The following ELMO1 variants were observed in gnomAD, a reference collection of about 807,000 sequenced individuals.
ELMO1 encodes engulfment and cell motility 1, also known as engulfment and cell motility protein 1.
A neutral mutation model predicts 98.9 loss-of-function variants in ELMO1; 26 were observed. That is an observed-to-expected ratio of 0.26 (90% CI 0.19 to 0.36). ELMO1 has a LOEUF of 0.36. ELMO1 is among the 10% of genes least tolerant of loss of function. ELMO1 has a pLI of 1.00. For missense variants in ELMO1, 627 were observed against 935.2 expected (o/e 0.67, Z 4.30); for synonymous variants, 346 against 346.0 (o/e 1.00, Z 0.00).
chr7:37,001,029 AG>A (rs1792634813), intron 16 of ELMO1, among the ~76,000 whole-genome samples: 1 of 152,142 alleles, frequency 6.6e-6, no homozygotes, highest in Admixed American at 6.5e-5. Flanking sequence ...CTTTTGCAAA[AG>A]TTCAATGTCT....
Position 37,195,079 on chromosome 7 carries a change from G to A in ELMO1, c.1086+16307C>T, listed in dbSNP as rs1471385415. ...GCAAGTACAAACTACGTGCTGAAAC[G>A]GGGGTAGGACCTGGACTGGGAGAGC... On this transcript the variant is annotated intron_variant, in intron 13 of 21. Coordinates refer to ENST00000310758, the MANE Select transcript of ELMO1 (RefSeq NM_014800.11). Among the ~76,000 whole-genome samples the A allele has an allele frequency of 2.6e-5, 4 of 152,174 alleles. No homozygotes were observed. In the South Asian group the frequency reaches 6.2e-4, roughly 24 times the overall value.
At chr7:37,195,976 T>C (rs7812116) in intron 13 of ELMO1, among the ~76,000 whole-genome samples, 29,477 of 152,006 alleles carry the variant, frequency 0.19, 3,205 homozygotes, top group Middle Eastern at 0.28. Context: ...CTATGAACAA[T>C]AGAAGGCAAA....
chr7:36,950,256 G>C (rs1158955311), intron 16 of ELMO1, among the ~76,000 whole-genome samples: 2 of 152,234 alleles, frequency 1.3e-5, no homozygotes, highest in African/African-American at 4.8e-5. Flanking sequence ...GTGAGAGACA[G>C]AGGGAATGTT....
chr7:36,872,664 T>C (rs1803624439), intron 19 of ELMO1, among the ~76,000 whole-genome samples: 1 of 152,154 alleles, frequency 6.6e-6, no homozygotes, highest in Non-Finnish European at 1.5e-5. Context: ...ACTGGCCTCC[T>C]TTCCCTCAGT....
Position 36,897,330 on chromosome 7 carries a change from G to GTA in ELMO1, c.1438-2314_1438-2313insTA, listed in dbSNP as rs1562806056. 2.0e-3 allele frequency among the ~76,000 whole-genome samples: 279 copies of GTA among 139,978 alleles called. 1 individual carries two copies. Among genetic ancestry groups the GTA allele is most frequent in the African/African-American group, 6.8e-3 (254 of 37,500 alleles). The allele number at this position is 139,978 out of a possible 152,430, so 91.8% of individuals were successfully genotyped here. On this transcript the variant is annotated intron_variant, in intron 16 of 21. Transcript: ENST00000310758. ...AGTAGGACAAAGAAAACAGACGTGT[G>GTA]TGTGTGTGTGTGTGTGTGTGAAAGA...
intron 13 of ELMO1, among the ~76,000 whole-genome samples, chr7:37,180,383 C>T (rs912935867): frequency 2.6e-5 from 4 of 152,168 alleles, no homozygotes; most frequent in Non-Finnish European, 5.9e-5. Flanking sequence ...TGAATCTAAT[C>T]ATGAAAAGCA....
intron 5 of ELMO1, chr7:37,271,597 T>C: frequency 2.0e-6 from 1 of 493,858 alleles, no homozygotes; most frequent in Non-Finnish European, 3.6e-6. Flanking sequence ...TTCAAAGCTA[T>C]CCTGGGCCGC....
chr7:37,447,714 C>CACA (rs1554316231), intron 1 of ELMO1, among the ~76,000 whole-genome samples: 1 of 132,140 alleles, frequency 7.6e-6, no homozygotes, highest in East Asian at 2.2e-4. Flanking sequence ...CGCGCACACA[C>CACA]CACACACACA....
chr7:37,122,190 T>A (rs181416808), intron 14 of ELMO1, among the ~76,000 whole-genome samples: 45 of 151,184 alleles, frequency 3.0e-4, no homozygotes, highest in Admixed American at 3.3e-4. Flanking sequence ...TCATGCCAAA[T>A]TGTAAAGACC....
intron 4 of ELMO1, among the ~76,000 whole-genome samples, chr7:37,307,088 G>A (rs1798649509): frequency 6.6e-6 from 1 of 152,188 alleles, no homozygotes; most frequent in South Asian, 2.1e-4. Flanking sequence ...CACATTAACT[G>A]TCAAATCTGG....
intron 16 of ELMO1, among the ~76,000 whole-genome samples, chr7:36,920,877 C>T (rs1389755965): frequency 6.6e-6 from 1 of 152,110 alleles, no homozygotes; most frequent in Admixed American, 6.5e-5. Flanking sequence ...AGGTCTTCAT[C>T]TATGGTCTGA....
chr7:37,419,035 AC>A (rs2131525422), intron 1 of ELMO1, among the ~76,000 whole-genome samples: 1 of 151,706 alleles, frequency 6.6e-6, no homozygotes, highest in African/African-American at 2.4e-5. Flanking sequence ...CCCCACTCCT[AC>A]CCCCCAGGAC....
intron 1 of ELMO1, among the ~76,000 whole-genome samples, chr7:37,413,319 C>T (rs2052688): frequency 0.17 from 25,444 of 152,028 alleles, 2,305 homozygotes; most frequent in South Asian, 0.26. Context: ...CTTTCCTCTT[C>T]GTCCTTTGTA....
At chr7:37,086,370 A>ATGT (rs1783777627) in intron 15 of ELMO1, among the ~76,000 whole-genome samples, 1 of 128,344 alleles carries the variant, frequency 7.8e-6, no homozygotes, top group Admixed American at 7.6e-5. Flanking sequence ...GTGTGTGTGA[A>ATGT]GAGAAGGAGA....
chr7:37,220,031 G>A (rs1326334301), intron 10 of ELMO1, among the ~76,000 whole-genome samples: 4 of 152,158 alleles, frequency 2.6e-5, no homozygotes, highest in Non-Finnish European at 5.9e-5. Flanking sequence ...CCAGACTAAG[G>A]CATACAAGCT....
At chr7:37,343,412 C>A (rs1300098531) in intron 1 of ELMO1, among the ~76,000 whole-genome samples, 1 of 151,714 alleles carries the variant, frequency 6.6e-6, no homozygotes, top group Admixed American at 6.6e-5. Flanking sequence ...TGAATTCTCA[C>A]TTGAATGAAT....
At chr7:37,075,535 A>C (rs1475594244) in intron 15 of ELMO1, among the ~76,000 whole-genome samples, 1 of 152,162 alleles carries the variant, frequency 6.6e-6, no homozygotes, top group African/African-American at 2.4e-5. Flanking sequence ...GAAACACAGA[A>C]GCTGTTTTAA....
At chr7:37,242,192 C>T (rs10951511) in intron 7 of ELMO1, among the ~76,000 whole-genome samples, 24,078 of 152,062 alleles carry the variant, frequency 0.16, 3,658 homozygotes, top group African/African-American at 0.4. Flanking sequence ...AGGTAACTTA[C>T]ACTGATACAT....
chr7:37,165,547 G>C (rs568224700), intron 13 of ELMO1, among the ~76,000 whole-genome samples: 2 of 152,056 alleles, frequency 1.3e-5, no homozygotes, highest in Non-Finnish European at 2.9e-5. Context: ...TTAGCATGAA[G>C]GGCTGTTGAA....
Sources: allele counts gnomAD v4.1 joint callset (sites outside exome capture counted in the v4.1 genomes callset), GRCh38; gene constraint gnomAD v4.1.1; transcripts MANE v1.5; gene names NCBI Gene and HGNC (gene_info 2026-07-23, HGNC 2026-07-21).